SOX5: variants seen among roughly 807,000 people sequenced by gnomAD.
The protein encoded by SOX5 is transcription factor SOX-5.
SOX5 carries 9 observed loss-of-function variants against 92.0 expected under a neutral mutation model. That is an observed-to-expected ratio of 0.10 (90% CI 0.06 to 0.17). SOX5 has a LOEUF of 0.17. SOX5 is among the 10% of genes least tolerant of loss of function. The pLI, the probability that SOX5 is intolerant of heterozygous loss-of-function variation, is 1.00. For synonymous variants in SOX5, 344 were observed against 336.3 expected (o/e 1.02, Z -0.25); for missense variants, 642 against 944.5 (o/e 0.68, Z 4.20).
At chr12:24,381,551 G>A (rs975751516) in intron 1 of SOX5, among the ~76,000 whole-genome samples, 1 of 152,158 alleles carries the variant, frequency 6.6e-6, no homozygotes, top group African/African-American at 2.4e-5. Flanking sequence ...GATGGGGTGA[G>A]AGCATGTTTT....
intron 1 of SOX5, among the ~76,000 whole-genome samples, chr12:24,456,707 C>G (rs1008062324): frequency 6.6e-6 from 1 of 152,178 alleles, no homozygotes; most frequent in African/African-American, 2.4e-5. Context: ...AATAAACATT[C>G]GCTATCTCCC....
At chr12:24,156,235 A>G (rs1217843838) in intron 4 of SOX5, among the ~76,000 whole-genome samples, 1 of 152,136 alleles carries the variant, frequency 6.6e-6, no homozygotes, top group Non-Finnish European at 1.5e-5. Flanking sequence ...GATGATAACA[A>G]CCCAGAGGTA....
intron 1 of SOX5, among the ~76,000 whole-genome samples, 200 bp from the exon 2 acceptor site, chr12:23,896,224 G>T (rs2097176225): frequency 6.6e-6 from 1 of 152,180 alleles, no homozygotes; most frequent in Non-Finnish European, 1.5e-5. Flanking sequence ...CTTGTTTGTT[G>T]TGAGAATAAT....
At position 24,338,751 on chromosome 12, in the gene SOX5, G is replaced by T. The variant is rs545969755; in HGVS notation, c.-174+29812C>A. ...ATAGTGAATAAATCTCATGGGATCTGATGGTTTTATAAAGGGCAGTTCCCC... is the reference window on the plus strand; with the variant it reads ...ATAGTGAATAAATCTCATGGGATCTTATGGTTTTATAAAGGGCAGTTCCCC... On this transcript the variant is annotated intron_variant, in intron 2 of 4. Transcript: ENST00000446891. 3.9e-5 allele frequency among the ~76,000 whole-genome samples: 6 copies of T among 152,216 alleles called. No individual in the cohort carries two copies. The East Asian group carries it at 1.2e-3, about 29-fold the overall frequency.
chr12:23,863,083 T>G (rs1281282746), intron 2 of SOX5, among the ~76,000 whole-genome samples: 1 of 152,200 alleles, frequency 6.6e-6, no homozygotes, highest in Non-Finnish European at 1.5e-5. Context: ...TTCAACACTT[T>G]CACTTGGGGG....
At chr12:24,446,800 A>G (rs929085037) in intron 1 of SOX5, among the ~76,000 whole-genome samples, 4 of 152,216 alleles carry the variant, frequency 2.6e-5, no homozygotes, top group Admixed American at 1.3e-4. Flanking sequence ...CCAAAAAACA[A>G]TAGCACACTA....
intron 4 of SOX5, among the ~76,000 whole-genome samples, chr12:24,172,364 C>T (rs1001755782): frequency 5.3e-5 from 8 of 151,826 alleles, no homozygotes; most frequent in African/African-American, 1.9e-4. Flanking sequence ...TGGTGAAACC[C>T]TGTCTCTCCA....
chr12:24,288,934 T>C (rs1946253958), intron 2 of SOX5, among the ~76,000 whole-genome samples: 1 of 15,772 alleles, frequency 6.3e-5, no homozygotes, highest in Non-Finnish European at 3.9e-4. Context: ...CTCTGTCTCA[T>C]GATGGGAGGT....
chr12:23,569,891 G>A (rs113281684), intron 10 of SOX5, among the ~76,000 whole-genome samples: 2,561 of 152,256 alleles, frequency 0.017, 89 homozygotes, highest in African/African-American at 0.059. Flanking sequence ...GTCTTTCATA[G>A]TGGTCTATGG....
intron 1 of SOX5, among the ~76,000 whole-genome samples, chr12:23,939,178 T>G (rs191098485): frequency 4.2e-4 from 64 of 151,240 alleles, no homozygotes; most frequent in Admixed American, 2.5e-3. Context: ...AAAGTTCTAA[T>G]TCTTGATTTA....
intron 1 of SOX5, among the ~76,000 whole-genome samples, chr12:24,425,547 T>TG (rs1287658465): frequency 3.3e-5 from 5 of 152,290 alleles, no homozygotes; most frequent in South Asian, 4.1e-4. Context: ...TAATGAATTT[T>TG]GGGGGGTACT....
intron 4 of SOX5, among the ~76,000 whole-genome samples, chr12:24,136,456 T>A (rs1490655669): frequency 1.3e-5 from 2 of 152,266 alleles, no homozygotes; most frequent in African/African-American, 4.8e-5. Flanking sequence ...ACTTTGTCAT[T>A]ACTAGCTATG....
intron 4 of SOX5, among the ~76,000 whole-genome samples, chr12:24,046,890 T>C (rs1022753088): frequency 1.3e-5 from 2 of 151,986 alleles, no homozygotes; most frequent in African/African-American, 4.8e-5. Context: ...TATCACCATG[T>C]TGGCAAGGCT....
intron 2 of SOX5, among the ~76,000 whole-genome samples, chr12:23,890,314 C>T (rs1173503969): frequency 1.3e-5 from 2 of 149,158 alleles, no homozygotes; most frequent in African/African-American, 4.9e-5. Flanking sequence ...GAACGGAACT[C>T]CATTTCAAAA....
chr12:23,742,796 A>G lies in SOX5; in HGVS notation c.569-1757T>C, dbSNP rs1189325266. On this transcript the variant is annotated intron_variant, in intron 4 of 14. Coordinates refer to ENST00000451604, the MANE Select transcript of SOX5 (RefSeq NM_006940.6). ...CACTTGAGGCCAAGAGTTCGAGACC[A>G]GACTGGACAACATAGCAAGACTCCA... is the stretch of plus-strand genomic sequence containing the variant. Among the ~76,000 whole-genome samples the G allele has an allele frequency of 2.0e-5, 3 of 152,306 alleles. No homozygotes were observed. In the East Asian group the frequency reaches 5.8e-4, roughly 29 times the overall value.
At chr12:23,598,305 C>A (rs1952800838) in intron 9 of SOX5, among the ~76,000 whole-genome samples, 2 of 151,460 alleles carry the variant, frequency 1.3e-5, no homozygotes, top group South Asian at 4.2e-4. Context: ...AACTTTTCAC[C>A]ATGGAAATAT....
intron 4 of SOX5, among the ~76,000 whole-genome samples, chr12:24,106,791 AAATAATAATAATAATAATAATAAT>A (rs56341402): frequency 3.6e-5 from 5 of 137,482 alleles, no homozygotes; most frequent in South Asian, 2.4e-4. Flanking sequence ...GACTCGTCTC[AAATAATAATAATAATAATAATAAT>A]AATAATAATA....
At chr12:24,163,320 A>C (rs1449756046) in intron 4 of SOX5, among the ~76,000 whole-genome samples, 1 of 152,154 alleles carries the variant, frequency 6.6e-6, no homozygotes, top group Non-Finnish European at 1.5e-5. Flanking sequence ...GCTCCTTTGC[A>C]GACGTGTCTA....
At chr12:23,659,797 T>C (rs1399372372) in intron 7 of SOX5, among the ~76,000 whole-genome samples, 1 of 152,022 alleles carries the variant, frequency 6.6e-6, no homozygotes, top group Non-Finnish European at 1.5e-5. Flanking sequence ...CAAAATGCCA[T>C]CCCTACTAAA....
Sources: allele counts gnomAD v4.1 joint callset (sites outside exome capture counted in the v4.1 genomes callset), GRCh38; gene constraint gnomAD v4.1.1; transcripts MANE v1.5; gene names NCBI Gene and HGNC (gene_info 2026-07-23, HGNC 2026-07-21).